Variants in ARHGEF10L observed in about 807,000 individuals in gnomAD.
ARHGEF10L encodes rho guanine nucleotide exchange factor 10-like protein.
Under a neutral mutation model 141.2 loss-of-function variants are expected in ARHGEF10L, and 69 were observed. The ratio of observed to expected loss-of-function variants is 0.49; its 90% CI spans 0.40 to 0.60. The LOEUF (loss-of-function observed/expected upper bound fraction) is 0.60, where lower values mean the gene tolerates loss of function less well. Ranked by LOEUF, ARHGEF10L falls within the 20% of genes least tolerant of loss-of-function variation. The pLI is 0.00. For synonymous variants in ARHGEF10L, 711 were observed against 718.5 expected (o/e 0.99, Z 0.17); for missense variants, 1,482 against 1,734.3 (o/e 0.85, Z 2.58).
intron 27 of ARHGEF10L, among the ~76,000 whole-genome samples, chr1:17,690,471 C>A (rs1296155269): frequency 1.3e-5 from 2 of 152,242 alleles, no homozygotes; most frequent in Non-Finnish European, 2.9e-5. Context: ...TACGGCATAC[C>A]CGCCCTGCAT....
intron 1 of ARHGEF10L, among the ~76,000 whole-genome samples, chr1:17,559,495 G>A (rs185751569): frequency 8.5e-5 from 13 of 152,154 alleles, no homozygotes; most frequent in Non-Finnish European, 1.8e-4. Flanking sequence ...ATAGGGGACC[G>A]ACACCCCCCA....
intron 9 of ARHGEF10L, among the ~76,000 whole-genome samples, chr1:17,616,900 TAGTC>T (rs1210359465): frequency 6.6e-6 from 1 of 152,180 alleles, no homozygotes; most frequent in Non-Finnish European, 1.5e-5. Flanking sequence ...GAGATGCTCT[TAGTC>T]AGCACTGACT....
At position 17,650,451 on chromosome 1, in the gene ARHGEF10L, G is replaced by A. The variant is rs926335269; in HGVS notation, c.2394+1776G>A. Among the ~76,000 whole-genome samples the A allele has an allele frequency of 3.3e-5, 5 of 151,860 alleles. No homozygotes were observed. The South Asian group carries it at 8.3e-4, about 25-fold the overall frequency. On this transcript the variant is annotated intron_variant, in intron 22 of 28. Coordinates refer to ENST00000361221, the MANE Select transcript of ARHGEF10L (RefSeq NM_018125.4). ...AAATAATACAAAAGGACTGGATGTC[G>A]GCTGGGTGAGGTAGCTCACGTCTGT...
At chr1:17,566,470 C>A (rs939160980) in intron 1 of ARHGEF10L, among the ~76,000 whole-genome samples, 1 of 152,214 alleles carries the variant, frequency 6.6e-6, no homozygotes, top group Admixed American at 6.5e-5. Flanking sequence ...ATCCCATGTA[C>A]CTTGGGAGCA....
rs746737168 is a variant in ARHGEF10L, at chr1:17,616,106, A to C, written c.739A>C (p.Met247Leu). 1.9e-6 allele frequency: 3 copies of C among 1,613,666 alleles called. No homozygotes were observed. The highest frequency in any genetic ancestry group is 8.5e-7 in the Non-Finnish European group (1 of 1,179,936). ...HKYDCKMTQL[M>L]KAAKSGTKDG... Reference sequence around the variant, plus strand: ...TACCTTTGCTCAGATGACCCAGCTCATGAAGGCCGCCAAGAGCGGGACCAA... The same window carrying C: ...TACCTTTGCTCAGATGACCCAGCTCCTGAAGGCCGCCAAGAGCGGGACCAA... The change falls in exon 9 of 29, where the codon ATG (methionine) becomes CTG (leucine). Residue 247 changes from methionine to leucine, a missense_variant. By Grantham distance (15) the Met-to-Leu change is conservative (BLOSUM62 2). Transcript: ENST00000361221.
chr1:17,688,620 G>A (rs899064277), intron 27 of ARHGEF10L, among the ~76,000 whole-genome samples: 2 of 152,238 alleles, frequency 1.3e-5, no homozygotes, highest in Non-Finnish European at 1.5e-5. Context: ...CTCGGGCCAG[G>A]GAAACACAGC....
upstream of ARHGEF10L, among the ~76,000 whole-genome samples, chr1:17,538,442 G>T (rs1304889659): frequency 6.6e-6 from 1 of 152,194 alleles, no homozygotes; most frequent in Non-Finnish European, 1.5e-5. Flanking sequence ...TGTTGCCCTA[G>T]CCTGGGGCTC....
intron 9 of ARHGEF10L, 129 bp downstream of exon 9, chr1:17,616,331 G>A (rs967897163): frequency 1.3e-6 from 1 of 773,194 alleles, no homozygotes; most frequent in African/African-American, 1.7e-5. Context: ...TCCTCTGGTG[G>A]TGGGGGTTGG....
chr1:17,556,087 G>A (rs2077298141), intron 1 of ARHGEF10L, among the ~76,000 whole-genome samples: 2 of 124,550 alleles, frequency 1.6e-5, no homozygotes, highest in African/African-American at 3.1e-5. Flanking sequence ...GTGGGCCTGG[G>A]AACACAGGGA....
intron 25 of ARHGEF10L, 138 bp from the exon 26 acceptor site, chr1:17,664,309 C>G (rs559705133): frequency 2.1e-6 from 2 of 970,020 alleles, no homozygotes; most frequent in African/African-American, 3.4e-5. Context: ...CACCACCCAG[C>G]TGATGGAGAG....
At position 17,697,546 on chromosome 1, in the gene ARHGEF10L, A is replaced by G. The variant is rs2065598614; in HGVS notation, c.*166A>G. On this transcript the variant is annotated 3_prime_UTR_variant, in exon 29 of 29. Coordinates refer to ENST00000361221, the MANE Select transcript of ARHGEF10L (RefSeq NM_018125.4). The surrounding 1 kb of genome is among the most constrained non-coding windows in gnomAD (Gnocchi z 4.8). ...CTTGTTTTAAAAAAATTTTTTTCAG[A>G]GTGTTTTGGGGAGGAGTTTTAGGGC... 1.0e-6 allele frequency: 1 copy of G among 969,804 alleles called. No individual in the cohort carries two copies. Among genetic ancestry groups the G allele is most frequent in the South Asian group, 1.6e-5 (1 of 60,612 alleles). The allele number at this position is 969,804 out of a possible 1,614,324, so 60.1% of individuals were successfully genotyped here.
chr1:17,652,861 G>C (rs2062013540), intron 22 of ARHGEF10L, among the ~76,000 whole-genome samples: 1 of 152,100 alleles, frequency 6.6e-6, no homozygotes, highest in Non-Finnish European at 1.5e-5. Flanking sequence ...ACCCACAGGG[G>C]GTCTGTGGCC....
chr1:17,674,916 G>A (rs1421344999), intron 26 of ARHGEF10L, among the ~76,000 whole-genome samples: 3 of 152,206 alleles, frequency 2.0e-5, no homozygotes, highest in Non-Finnish European at 4.4e-5. Context: ...TTACCGCCTA[G>A]ATCTGTGTAA....
At chr1:17,634,453 C>G in intron 16 of ARHGEF10L, 95 bp from the exon 17 acceptor site, 1 of 1,598,272 alleles carries the variant, frequency 6.3e-7, no homozygotes, top group Non-Finnish European at 8.6e-7. Flanking sequence ...TCCCGATGCC[C>G]AGCCCCATGG....
chr1:17,633,469 G>A (rs554625657), intron 16 of ARHGEF10L, among the ~76,000 whole-genome samples: 2 of 151,810 alleles, frequency 1.3e-5, no homozygotes, highest in Non-Finnish European at 2.9e-5. Flanking sequence ...TCAGCCTCCC[G>A]AGTAGCTGGG....
chr1:17,588,849 AGTGTGTGTGTGTGTGTGTGTGTGTGTGT>A (rs57719075), intron 4 of ARHGEF10L, among the ~76,000 whole-genome samples: 1 of 20,434 alleles, frequency 4.9e-5, no homozygotes, highest in African/African-American at 1.9e-4. Context: ...GAGGGTCCCC[AGTGTGTGTGTGTGTGTGTGTGTGTGTGT>A]GTGTGTGTGT....
intron 1 of ARHGEF10L, among the ~76,000 whole-genome samples, chr1:17,555,560 G>C (rs2077274473): frequency 6.6e-6 from 1 of 152,040 alleles, no homozygotes; most frequent in African/African-American, 2.4e-5. Context: ...TCTCCATGTT[G>C]GTCAGGCTGG....
At chr1:17,688,418 G>A (rs2064796710) in intron 27 of ARHGEF10L, among the ~76,000 whole-genome samples, 1 of 152,212 alleles carries the variant, frequency 6.6e-6, no homozygotes, top group Non-Finnish European at 1.5e-5. Flanking sequence ...CAGGCACCAT[G>A]CCCATCCTCA....
At chr1:17,687,846 C>T (rs980446752) in intron 27 of ARHGEF10L, 99 bp downstream of exon 27, 20 of 1,326,670 alleles carry the variant, frequency 1.5e-5, no homozygotes, top group South Asian at 1.5e-5. Context: ...TTTCCCTCAT[C>T]AGCCCTGAAA....
Sources: allele counts gnomAD v4.1 joint callset (sites outside exome capture counted in the v4.1 genomes callset), GRCh38; gene constraint gnomAD v4.1.1; non-coding constraint Gnocchi (gnomAD v3.1); transcripts MANE v1.5; gene names NCBI Gene and HGNC (gene_info 2026-07-23, HGNC 2026-07-21).